The following ANKRD44 variants were observed in gnomAD, a reference collection of about 807,000 sequenced individuals.
The protein encoded by ANKRD44 is ankyrin repeat domain 44, also known as serine/threonine-protein phosphatase 6 regulatory ankyrin repeat subunit B.
A neutral mutation model predicts 116.0 loss-of-function variants in ANKRD44; 35 were observed. That is an observed-to-expected ratio of 0.30 (90% CI 0.23 to 0.40). The LOEUF is 0.40. ANKRD44 is among the 10% of genes least tolerant of loss of function. ANKRD44 has a pLI of 1.00. For missense variants in ANKRD44, 1,014 were observed against 1,242.6 expected (o/e 0.82, Z 2.77); for synonymous variants, 435 against 461.8 (o/e 0.94, Z 0.74).
At chr2:197,148,186 T>C (rs1241442256) in intron 2 of ANKRD44, among the ~76,000 whole-genome samples, 5 of 152,218 alleles carry the variant, frequency 3.3e-5, no homozygotes, top group Non-Finnish European at 5.9e-5. Flanking sequence ...CAGTGCTCCA[T>C]ACGAAGCCCA....
At chr2:197,257,656 A>C (rs754464433) in intron 1 of ANKRD44, among the ~76,000 whole-genome samples, 15 of 152,294 alleles carry the variant, frequency 9.8e-5, no homozygotes, top group Admixed American at 1.3e-4. Context: ...TGATGTACTT[A>C]TTTCACATTG....
At chr2:197,155,036 G>A (rs546268349) in intron 2 of ANKRD44, among the ~76,000 whole-genome samples, 4 of 152,236 alleles carry the variant, frequency 2.6e-5, no homozygotes, top group African/African-American at 4.8e-5. Flanking sequence ...GAATTAAAAT[G>A]ATGATAAAAT....
chr2:197,272,537 A>G (rs1413617973), intron 1 of ANKRD44, among the ~76,000 whole-genome samples: 2 of 152,172 alleles, frequency 1.3e-5, no homozygotes, highest in Non-Finnish European at 2.9e-5. Context: ...CGCCTGGCCA[A>G]TTTCTATCGT....
chr2:197,044,872 A>T (rs1422638097), intron 16 of ANKRD44, among the ~76,000 whole-genome samples: 1 of 152,208 alleles, frequency 6.6e-6, no homozygotes, highest in East Asian at 1.9e-4. Context: ...AAGCAAAAAA[A>T]AAAATTAGTA....
Position 197,287,605 on chromosome 2 carries a change from T to C in ANKRD44, c.27+22973A>G, listed in dbSNP as rs372959528. The stretch of plus-strand genomic sequence containing the variant: ...TCAACACACAGACAACCACACATCA[T>C]TGTGAAGTTTATATCTAGATCTTTT... On this transcript the variant is annotated intron_variant, in intron 1 of 27. Transcript: ENST00000282272. Among the ~76,000 whole-genome samples the C allele has an allele frequency of 6.6e-4, 101 of 152,296 alleles. 3 individuals carry two copies. In the South Asian group the frequency reaches 0.02, roughly 30 times the overall value.
In ANKRD44 at chr2:197,110,934, T is replaced by A; in HGVS notation, c.907-90A>T. On this transcript the variant is annotated intron_variant, in intron 8 of 27. Coordinates refer to ENST00000282272, the MANE Select transcript of ANKRD44 (RefSeq NM_001195144.2). ...ATACCCCTATGGACACTCCTAATAA[T>A]GCCCTGAAAACATTCATTTATTTAT... is the stretch of plus-strand genomic sequence containing the variant. The A allele has an allele frequency of 4.6e-6, 4 of 864,418 alleles. No individual in the cohort carries two copies. The Admixed American group carries it at 7.2e-5, about 16-fold the overall frequency. 53.5% of individuals were successfully genotyped at this position (864,418 alleles called of 1,614,324 possible).
At chr2:197,256,525 C>A (rs888745081) in intron 1 of ANKRD44, among the ~76,000 whole-genome samples, 9 of 152,052 alleles carry the variant, frequency 5.9e-5, no homozygotes, top group African/African-American at 2.2e-4. Flanking sequence ...GTCTTTACAC[C>A]AGGAAATAAA....
Position 197,029,329 on chromosome 2 carries a change from C to G in ANKRD44, c.1651-4062G>C, listed in dbSNP as rs547822543. ...TGTTTGCATATGGGTTTAGCTTCAA[C>G]ATGAGTTTCAGATTTTTCATGGCTT... On this transcript the variant is annotated intron_variant, in intron 16 of 27. Transcript: ENST00000282272. The G allele has an allele frequency of 1.5e-5, 4 of 259,688 alleles. No individual in the cohort carries two copies. The Admixed American group carries it at 2.2e-4, about 14-fold the overall frequency. 16.1% of individuals were successfully genotyped at this position (259,688 alleles called of 1,614,324 possible).
intron 1 of ANKRD44, among the ~76,000 whole-genome samples, chr2:197,211,750 A>G (rs1439632106): frequency 6.6e-6 from 1 of 151,896 alleles, no homozygotes; most frequent in Non-Finnish European, 1.5e-5. Flanking sequence ...TCTTTTCCCA[A>G]CTTGGAGGTT....
chr2:197,127,786 C>T (rs1457916490), intron 4 of ANKRD44, among the ~76,000 whole-genome samples: 1 of 152,116 alleles, frequency 6.6e-6, no homozygotes, highest in African/African-American at 2.4e-5. Context: ...TTAAGTCCAG[C>T]ATCTGTTAGC....
chr2:197,103,839 G>A (rs150721715), intron 9 of ANKRD44, among the ~76,000 whole-genome samples: 1,524 of 152,228 alleles, frequency 0.01, 9 homozygotes, highest in Non-Finnish European at 0.016. Context: ...ATGTATGTGT[G>A]CATGCGTGTG....
At chr2:196,979,554 C>CCTTTTTTTTTTTTTTTTTTT (rs2075785197) in intron 21 of ANKRD44, among the ~76,000 whole-genome samples, 1 of 59,634 alleles carries the variant, frequency 1.7e-5, no homozygotes, top group African/African-American at 6.4e-5. Context: ...AATAAGATGA[C>CCTTTTTTTTTTTTTTTTTTT]TTTTTTTTTT....
chr2:197,206,092 C>T (rs776437873), intron 1 of ANKRD44, among the ~76,000 whole-genome samples: 6 of 152,014 alleles, frequency 3.9e-5, no homozygotes, highest in Non-Finnish European at 7.4e-5. Flanking sequence ...AGACTGGCTG[C>T]GGAGAGGAGA....
Position 197,125,878 on chromosome 2 carries a change from GC to G in ANKRD44, c.420del (p.Arg141AlafsTer9). ...LSSVNVSDRG[G>X]RTALHHAALN... ...AGAGCCGCATGGTGCAAGGCTGTGCGCCCCCCTCGGTCGGAGACATTGACAC... is the reference window on the plus strand; with the variant it reads ...AGAGCCGCATGGTGCAAGGCTGTGCGCCCCCTCGGTCGGAGACATTGACAC... On this transcript the variant is annotated frameshift_variant, in exon 5 of 28. Coordinates refer to ENST00000282272, the MANE Select transcript of ANKRD44 (RefSeq NM_001195144.2). LOFTEE classifies it high-confidence loss of function. The G allele has an allele frequency of 6.2e-7, 1 of 1,614,156 alleles. No individual in the cohort carries two copies. The highest frequency in any genetic ancestry group is 8.5e-7 in the Non-Finnish European group (1 of 1,180,038).
chr2:197,017,510 A>T, intron 17 of ANKRD44, among the ~76,000 whole-genome samples: 1 of 152,312 alleles, frequency 6.6e-6, no homozygotes, highest in African/African-American at 2.4e-5. Context: ...TCATTACATT[A>T]TGTTTGTGAA....
intron 16 of ANKRD44, among the ~76,000 whole-genome samples, chr2:197,036,819 G>A (rs918139292): frequency 4.6e-5 from 7 of 152,186 alleles, no homozygotes; most frequent in Admixed American, 6.5e-5. Flanking sequence ...CCCTAAAAAT[G>A]TTCATATACT....
intron 1 of ANKRD44, among the ~76,000 whole-genome samples, chr2:197,230,745 G>T (rs538433544): frequency 6.6e-6 from 1 of 152,136 alleles, no homozygotes; most frequent in African/African-American, 2.4e-5. Flanking sequence ...TGGCACTGGT[G>T]GAGGGCTGTG....
intron 21 of ANKRD44, among the ~76,000 whole-genome samples, chr2:196,974,203 C>A (rs934802400): frequency 2.0e-5 from 3 of 152,152 alleles, no homozygotes; most frequent in Non-Finnish European, 2.9e-5. Flanking sequence ...CCTGCTCAGC[C>A]TCCTGAGTAG....
At chr2:197,112,622 G>A (rs2078609426) in intron 8 of ANKRD44, among the ~76,000 whole-genome samples, 2 of 151,528 alleles carry the variant, frequency 1.3e-5, no homozygotes, top group Non-Finnish European at 2.9e-5. Context: ...GCAGGAGAAT[G>A]GCGTGAACCC....
Sources: allele counts gnomAD v4.1 joint callset (sites outside exome capture counted in the v4.1 genomes callset), GRCh38; gene constraint gnomAD v4.1.1; transcripts MANE v1.5; gene names NCBI Gene and HGNC (gene_info 2026-07-23, HGNC 2026-07-21).